The following MTMR10 variants were observed in gnomAD, a reference collection of about 807,000 sequenced individuals.
The protein encoded by MTMR10 is myotubularin related protein 10, also known as myotubularin-related protein 10.
MTMR10 carries 56 observed loss-of-function variants against 88.1 expected under a neutral mutation model. That is an observed-to-expected ratio of 0.64 (90% confidence interval 0.51 to 0.79). MTMR10 has a LOEUF of 0.79. MTMR10 is among the 30% of genes least tolerant of loss of function. The pLI, the probability that MTMR10 is intolerant of heterozygous loss-of-function variation, is 0.00. For synonymous variants in MTMR10, 380 were observed against 340.9 expected, an observed-to-expected ratio of 1.11 and a Z score of -1.26; for missense variants, 883 against 924.7, an observed-to-expected ratio of 0.95 and a Z score of 0.58.
chr15:30,983,282 G>C (rs1413807428), intron 2 of MTMR10, among the ~76,000 whole-genome samples: 1 of 152,172 alleles, frequency 6.6e-6, no homozygotes, highest in Admixed American at 6.5e-5. Flanking sequence ...TGTGCGGTAA[G>C]CAAAAACCTT....
chr15:30,940,862 T>TAACA lies in MTMR10; in HGVS notation c.*604_*607dup. The TAACA allele has an allele frequency of 1.0e-6, 1 of 991,812 alleles. No homozygotes were observed. Among genetic ancestry groups the TAACA allele is most frequent in the Middle Eastern group, 5.2e-4 (1 of 1,916 alleles). 61.4% of individuals were successfully genotyped at this position (991,812 alleles called of 1,614,324 possible). A position where few individuals can be genotyped will look rare whatever the true frequency, so the allele number is the denominator to read the frequency against. On this transcript the variant is annotated 3_prime_UTR_variant, in exon 16 of 16. Transcript: ENST00000435680. ...TTATCTGCAGCAAATGCTTTAAAATTAACAGTGCATATCATTTTAAAGTTG... is the reference window on the plus strand; with the variant it reads ...TTATCTGCAGCAAATGCTTTAAAATTAACAAACAGTGCATATCATTTTAAAGTTG...
chr15:30,974,799 G>C (rs2029989080), intron 4 of MTMR10, 132 bp downstream of exon 4: 1 of 557,700 alleles, frequency 1.8e-6, no homozygotes, highest in South Asian at 4.0e-5. Context: ...TATGTTCCCG[G>C]GACTCAAAAA....
In MTMR10 at chr15:30,991,508, G is replaced by C. The variant is rs775044816; in HGVS notation, c.-2C>G. 1.6e-5 allele frequency: 24 copies of C among 1,530,690 alleles called. No homozygotes were observed. The highest frequency in any genetic ancestry group is 1.7e-5 in the Non-Finnish European group (20 of 1,147,396). 94.8% of individuals were successfully genotyped at this position (1,530,690 alleles called of 1,614,324 possible). On this transcript the variant is annotated 5_prime_UTR_variant, in exon 1 of 16. Transcript: ENST00000435680. ...TTTGGGCGGCTTGAGGGAGAACATGGTGCCGCCGCCTTTTCGCCCCGTTCC... is the reference window on the plus strand; with the variant it reads ...TTTGGGCGGCTTGAGGGAGAACATGCTGCCGCCGCCTTTTCGCCCCGTTCC...
chr15:30,930,795 A>C, the MTMR10 span: 4 of 1,242,288 alleles, frequency 3.2e-6, no homozygotes, highest in Non-Finnish European at 4.6e-6. Flanking sequence ...TTTTGGGCCG[A>C]GGGCCTGGGT....
At chr15:30,937,447 C>CTT (rs11317050), downstream of MTMR10, among the ~76,000 whole-genome samples, 16 of 78,958 alleles carry the variant, frequency 2.0e-4, no homozygotes, top group East Asian at 3.3e-4. Context: ...GGGTAATAAA[C>CTT]TTTTTTTTTT....
the MTMR10 span, chr15:30,930,470 T>TC: frequency 6.6e-7 from 1 of 1,516,340 alleles, no homozygotes; most frequent in South Asian, 1.3e-5. Flanking sequence ...TTTCTCCGTC[T>TC]CGTGATCCCT....
intron 14 of MTMR10, chr15:30,946,461 C>T (rs1455501639): frequency 2.8e-6 from 1 of 360,592 alleles, no homozygotes; most frequent in Admixed American, 4.3e-5. Context: ...CTCCCTAGGT[C>T]ACACTGCCTA....
In MTMR10 at chr15:30,974,210, C is replaced by T. The variant is rs141664559; in HGVS notation, c.474+104G>A. The T allele has an allele frequency of 1.8e-4, 194 of 1,092,122 alleles. 1 individual carries two copies. In the African/African-American group the frequency reaches 2.9e-3, roughly 16 times the overall value. The allele number at this position is 1,092,122 out of a possible 1,614,324, so 67.7% of individuals were successfully genotyped here. On this transcript the variant is annotated intron_variant, in intron 5 of 15. Coordinates refer to ENST00000435680, the MANE Select transcript of MTMR10 (RefSeq NM_017762.3). ...CTTAAGAAGATGTCTGATAACTTCC[C>T]CTAAAAAACATCTGAGCAATTGAGA...
chr15:30,925,976 C>T, the MTMR10 span: 36 of 1,608,474 alleles, frequency 2.2e-5, no homozygotes, highest in Non-Finnish European at 2.6e-5. Context: ...CACCCAGCCC[C>T]GGGTGGACGA....
chr15:30,946,701 C>A (rs1396425627), intron 14 of MTMR10: 5 of 701,852 alleles, frequency 7.1e-6, no homozygotes, highest in East Asian at 5.4e-5. Flanking sequence ...AAATCCTCTA[C>A]ATCAATGAAT....
the MTMR10 span, among the ~76,000 whole-genome samples, chr15:30,923,920 A>G: frequency 1.3e-5 from 2 of 152,196 alleles, no homozygotes; most frequent in Admixed American, 1.3e-4. Context: ...CATGGTACTC[A>G]TAGTGTTGTG....
rs755661576 is a variant in MTMR10 at position 30,947,112 on chromosome 15, A to G, written c.1548+18T>C. 2.5e-6 allele frequency: 4 copies of G among 1,571,472 alleles called. No homozygotes were observed. The highest frequency in any genetic ancestry group is 3.4e-6 in the Non-Finnish European group (4 of 1,161,606). ...GTAAAAACAGGGAAAACGTAGCCACAGCCACAGGGTTGCTTACCGTGCTTT... is the reference window on the plus strand; with the variant it reads ...GTAAAAACAGGGAAAACGTAGCCACGGCCACAGGGTTGCTTACCGTGCTTT... On this transcript the variant is annotated intron_variant, in intron 14 of 15. Coordinates refer to ENST00000435680, the MANE Select transcript of MTMR10 (RefSeq NM_017762.3).
intron 2 of MTMR10, among the ~76,000 whole-genome samples, chr15:30,977,724 T>C (rs1224789125): frequency 1.3e-5 from 2 of 152,210 alleles, no homozygotes; most frequent in African/African-American, 4.8e-5. Flanking sequence ...TCTTTCATTA[T>C]AAAAACCTTT....
At chr15:30,928,354 CTCTGTATA>C in the MTMR10 span, 2 of 1,332,622 alleles carry the variant, frequency 1.5e-6, no homozygotes, top group East Asian at 5.9e-5. Flanking sequence ...GCCCTTAAGG[CTCTGTATA>C]TAAACAACAT....
At chr15:30,956,275 C>T (rs1291812187) in intron 9 of MTMR10, 1 of 152,178 alleles carries the variant, frequency 6.6e-6, no homozygotes, top group Non-Finnish European at 1.5e-5. Flanking sequence ...CATGAACCTG[C>T]ATGTCATCTT....
At chr15:30,987,799 G>A (rs1158079017) in intron 2 of MTMR10, among the ~76,000 whole-genome samples, 1 of 151,730 alleles carries the variant, frequency 6.6e-6, no homozygotes, top group African/African-American at 2.4e-5. Flanking sequence ...GTCATCTAGG[G>A]ATGACGCCGG....
At chr15:30,967,833 C>G in intron 6 of MTMR10, 87 bp downstream of exon 6, 1 of 1,060,730 alleles carries the variant, frequency 9.4e-7, no homozygotes, top group Non-Finnish European at 1.4e-6. Flanking sequence ...ATCATTAAAG[C>G]TCATGTACTT....
intron 15 of MTMR10, 162 bp from the exon 16 acceptor site, chr15:30,942,234 C>G (rs1005431609): frequency 2.3e-6 from 2 of 886,902 alleles, no homozygotes; most frequent in African/African-American, 3.4e-5. Context: ...ATCCTCCTCC[C>G]CTGGAATTAC....
intron 2 of MTMR10, among the ~76,000 whole-genome samples, chr15:30,982,768 A>G (rs1215044643): frequency 6.6e-6 from 1 of 152,328 alleles, no homozygotes; most frequent in East Asian, 1.9e-4. Context: ...TCTTTAAAAT[A>G]TTTGGATCAT....
Sources: allele counts gnomAD v4.1 joint callset (sites outside exome capture counted in the v4.1 genomes callset), GRCh38; gene constraint gnomAD v4.1.1; transcripts MANE v1.5; gene names NCBI Gene and HGNC (gene_info 2026-07-23, HGNC 2026-07-21).